The following DLG3 variants were observed in gnomAD, a reference collection of about 807,000 sequenced individuals.
The protein encoded by DLG3 is discs large MAGUK scaffold protein 3.
A neutral mutation model predicts 64.1 loss-of-function variants in DLG3; 1 was observed. The observed-to-expected ratio is 0.02, with a 90% CI of 0.01 to 0.07. The LOEUF is 0.07. DLG3 is among the 10% of genes least tolerant of loss of function. The pLI is 1.00. For synonymous variants in DLG3, 245 were observed against 259.8 expected (o/e 0.94, Z 0.55); for missense variants, 429 against 669.5 (o/e 0.64, Z 3.96).
At chrX:70,495,278 C>G in intron 12 of DLG3, 130 bp from the exon 13 acceptor site, 1 of 584,349 alleles carries the variant, frequency 1.7e-6, no homozygotes, top group Non-Finnish European at 2.9e-6. Flanking sequence ...TCTTCCTCCC[C>G]CCTTGTCTTT....
intron 15 of DLG3, 108 bp from the exon 16 acceptor site, chrX:70,499,769 A>G: frequency 1.2e-6 from 1 of 804,596 alleles, no homozygotes; most frequent in Non-Finnish European, 1.8e-6. Context: ...GAAAAAAAAA[A>G]TGGAGTGGCC....
intron 10 of DLG3, among the ~76,000 whole-genome samples, chrX:70,482,254 G>T (rs2087167551): frequency 8.9e-6 from 1 of 112,435 alleles, no homozygotes; most frequent in African/African-American, 3.2e-5. Flanking sequence ...CCTGGGTATT[G>T]CAGAGGGGGT....
intron 6 of DLG3, 47 bp downstream of exon 6, chrX:70,450,830 G>C (rs2086609714): frequency 8.3e-7 from 1 of 1,200,995 alleles, no homozygotes; most frequent in Non-Finnish European, 1.1e-6. Context: ...TCTGTCCCCT[G>C]GTTTCTGGAG....
At chrX:70,464,759 C>T (rs191853504) in intron 9 of DLG3, among the ~76,000 whole-genome samples, 2,115 of 111,406 alleles carry the variant, frequency 0.019, 24 homozygotes, top group Non-Finnish European at 0.029. Flanking sequence ...AATTCGAGAC[C>T]GGCCTGGCCA....
In DLG3 at chrX:70,499,185, C is replaced by T. The variant is rs771677239; in HGVS notation, c.1880C>T (p.Ala627Val). The change falls in exon 15 of 19, where the codon GCA (alanine) becomes GTA (valine). Residue 627 changes from alanine (A) to valine (V), a missense_variant. Transcript: ENST00000374360. ...TGCTCTCCCTCTCTAGTTCACTATGCAAGGCCTGTGATCATCCTGGGCCCA... is the reference window on the plus strand; with the variant it reads ...TGCTCTCCCTCTCTAGTTCACTATGTAAGGCCTGTGATCATCCTGGGCCCA... The part of the protein sequence containing the change: ...EPVTRQEIHY[A>V]RPVIILGPMK... 8 of 1,205,607 alleles carry T rather than the reference C, an allele frequency of 6.6e-6. No homozygotes were observed. The South Asian group carries it at 1.4e-4, about 21-fold the overall frequency.
chrX:70,450,425 T>C, intron 5 of DLG3, 120 bp downstream of exon 5: 2 of 1,013,656 alleles, frequency 2.0e-6, no homozygotes, highest in Non-Finnish European at 2.7e-6. Flanking sequence ...TCAAGAGTTA[T>C]CATCTGTGTT....
In DLG3 at chrX:70,452,041, C is replaced by A. The variant is rs754906381; in HGVS notation, c.1145+15C>A. 82 of 1,207,048 alleles carry A rather than the reference C, an allele frequency of 6.8e-5. 1 individual carries two copies. In the South Asian group the frequency reaches 1.4e-3, roughly 20 times the overall value. ...GACTTCACCAGGTAAGACCCCGCCC[C>A]CAACATCCCATTCAATCTACCCAGA... is the stretch of plus-strand genomic sequence containing the variant. On this transcript the variant is annotated intron_variant, in intron 7 of 18. Coordinates refer to ENST00000374360, the MANE Select transcript of DLG3 (RefSeq NM_021120.4).
intron 9 of DLG3, among the ~76,000 whole-genome samples, chrX:70,460,109 T>A (rs183231432): frequency 1.3e-3 from 143 of 109,511 alleles, no homozygotes; most frequent in African/African-American, 4.5e-3. Context: ...ATGGTGAAAT[T>A]CCATCTCTAC....
chrX:70,458,396 C>G (rs754303726), intron 9 of DLG3, among the ~76,000 whole-genome samples: 1 of 112,379 alleles, frequency 8.9e-6, no homozygotes, highest in East Asian at 2.8e-4. Flanking sequence ...AATGTTCCTC[C>G]TCTGGATACT....
chrX:70,469,957 T>A (rs1219041381), intron 9 of DLG3, among the ~76,000 whole-genome samples: 1 of 111,640 alleles, frequency 9.0e-6, no homozygotes, highest in Non-Finnish European at 1.9e-5. Context: ...ATGAGGGCTG[T>A]ATGAGTTTGA....
intron 13 of DLG3, among the ~76,000 whole-genome samples, 181 bp downstream of exon 13, chrX:70,495,634 C>G (rs2087441059): frequency 9.0e-6 from 1 of 111,358 alleles, no homozygotes; most frequent in African/African-American, 3.3e-5. Context: ...GCTATGGATC[C>G]CTAGTACCCA....
chrX:70,467,817 G>A lies in DLG3; in HGVS notation c.1406-11333G>A, dbSNP rs151260081. On this transcript the variant is annotated intron_variant, in intron 9 of 18. Transcript: ENST00000374360. ...TTTTTGGATGAGGTATTTTGTTTTG[G>A]TGGTCTTTATGTATACTTTGGCTTA... Among the ~76,000 whole-genome samples the A allele has an allele frequency of 4.6e-4, 51 of 111,653 alleles. No homozygotes were observed. The East Asian group carries it at 0.01, about 23-fold the overall frequency.
Position 70,502,413 on chromosome X carries a change from C to T in DLG3, c.*144C>T. The T allele has an allele frequency of 2.1e-6, 1 of 466,955 alleles. No individual in the cohort carries two copies. The highest frequency in any genetic ancestry group is 3.7e-6 in the Non-Finnish European group (1 of 272,538). The allele number at this position is 466,955 out of a possible 1,213,427, so 38.5% of individuals were successfully genotyped here. Reference sequence around the variant, plus strand: ...GATATGTCAAAAAAAATTAAGTTTTCTAGTCCTGTTCTTTTTTTTTTTTTA... The same window carrying T: ...GATATGTCAAAAAAAATTAAGTTTTTTAGTCCTGTTCTTTTTTTTTTTTTA... On this transcript the variant is annotated 3_prime_UTR_variant, in exon 19 of 19. Transcript: ENST00000374360.
At chrX:70,493,060 G>GATGTGT (rs1302752914) in intron 12 of DLG3, among the ~76,000 whole-genome samples, 2 of 111,832 alleles carry the variant, frequency 1.8e-5, no homozygotes, top group Non-Finnish European at 3.8e-5. Context: ...ACGTGGAGTA[G>GATGTGT]ATGTGTATAT....
At chrX:70,493,345 C>G in intron 12 of DLG3, 9 of 1,097,884 alleles carry the variant, frequency 8.2e-6, no homozygotes, top group Non-Finnish European at 1.1e-5. Flanking sequence ...TTTCTTCTGT[C>G]CTTCCCCTCC....
chrX:70,489,840 C>A (rs940528761), intron 10 of DLG3, among the ~76,000 whole-genome samples: 2 of 111,092 alleles, frequency 1.8e-5, no homozygotes, highest in African/African-American at 3.3e-5. Flanking sequence ...CATCCTAACT[C>A]CCCTAATTCA....
Position 70,500,917 on chromosome X carries a change from A to G in DLG3, c.2275A>G (p.Thr759Ala). The change falls in exon 18 of 19, where the codon ACA (threonine) becomes GCA (alanine). Residue 759 changes from threonine to alanine, a missense_variant. Transcript: ENST00000374360. ...TGGCAGGGAAATGAACCGAAGGCAG[A>G]CATATGAACAAGCAAATAAGATCTA... ...EALMEMNRRQ[T>A]YEQANKIYDK... The G allele has an allele frequency of 8.3e-7, 1 of 1,202,546 alleles. No individual in the cohort carries two copies. Among genetic ancestry groups the G allele is most frequent in the Non-Finnish European group, 1.1e-6 (1 of 890,383 alleles).
chrX:70,492,618 A>C (rs771017370), intron 12 of DLG3, 22 bp downstream of exon 12: 2 of 1,181,539 alleles, frequency 1.7e-6, no homozygotes, highest in East Asian at 5.9e-5. Context: ...TCCCCAAGGA[A>C]ATCAGCCAGT....
chrX:70,461,374 C>T (rs906366056), intron 9 of DLG3, among the ~76,000 whole-genome samples: 4 of 111,788 alleles, frequency 3.6e-5, no homozygotes, highest in African/African-American at 1.3e-4. Flanking sequence ...TGCTTCGTCC[C>T]CTGATTTGAT....
Sources: allele counts gnomAD v4.1 joint callset (sites outside exome capture counted in the v4.1 genomes callset), GRCh38; gene constraint gnomAD v4.1.1; transcripts MANE v1.5; gene names NCBI Gene and HGNC (gene_info 2026-07-23, HGNC 2026-07-21).